The following LRP1B variants were observed in gnomAD, a reference collection of about 807,000 sequenced individuals.
LRP1B encodes low-density lipoprotein receptor-related protein 1B.
A neutral mutation model predicts 556.6 loss-of-function variants in LRP1B; 217 were observed. The observed-to-expected ratio is 0.39, with a 90% confidence interval of 0.35 to 0.44. The LOEUF (loss-of-function observed/expected upper bound fraction) is 0.44. Among genes scored for constraint, LRP1B ranks in the 20% least tolerant of loss-of-function variants. The pLI is 1.00. For synonymous variants in LRP1B, 2,047 were observed against 1,865.8 expected (o/e 1.10, Z -2.50); for missense variants, 5,053 against 5,620.8 (o/e 0.90, Z 3.23).
intron 1 of LRP1B, among the ~76,000 whole-genome samples, chr2:141,971,458 C>A (rs1310368706): frequency 6.6e-6 from 1 of 151,444 alleles, no homozygotes; most frequent in African/African-American, 2.4e-5. Flanking sequence ...TTAGCTTGTT[C>A]AATATCAGGG....
chr2:141,915,433 C>T (rs912046536), intron 1 of LRP1B, among the ~76,000 whole-genome samples: 1 of 151,972 alleles, frequency 6.6e-6, no homozygotes, highest in Admixed American at 6.6e-5. Flanking sequence ...TCACCATATA[C>T]AAAAATTAAC....
At chr2:141,165,037 A>G (rs2105122981) in intron 7 of LRP1B, among the ~76,000 whole-genome samples, 1 of 152,168 alleles carries the variant, frequency 6.6e-6, no homozygotes, top group South Asian at 2.1e-4. Context: ...ATAAAGCCTA[A>G]AAACAGTAAT....
intron 3 of LRP1B, among the ~76,000 whole-genome samples, chr2:141,256,286 A>G (rs1286787862): frequency 1.3e-5 from 2 of 151,956 alleles, no homozygotes; most frequent in Non-Finnish European, 2.9e-5. Flanking sequence ...AATATGAGAA[A>G]GTAAATAGAA....
At chr2:141,331,963 A>G (rs1687672958) in intron 3 of LRP1B, among the ~76,000 whole-genome samples, 1 of 152,092 alleles carries the variant, frequency 6.6e-6, no homozygotes, top group Admixed American at 6.5e-5. Context: ...TTTTATTTAT[A>G]TTTTAAAAAT....
At chr2:142,120,259 A>T (rs1707413648) in intron 1 of LRP1B, among the ~76,000 whole-genome samples, 1 of 152,038 alleles carries the variant, frequency 6.6e-6, no homozygotes, top group African/African-American at 2.4e-5. Flanking sequence ...CTACAGGCAC[A>T]TGCAACTATG....
At chr2:140,979,901 T>C (rs1480067816) in intron 18 of LRP1B, among the ~76,000 whole-genome samples, 1 of 152,102 alleles carries the variant, frequency 6.6e-6, no homozygotes, top group African/African-American at 2.4e-5. Flanking sequence ...ATGTTCTTCA[T>C]AGATTTGTTA....
intron 3 of LRP1B, among the ~76,000 whole-genome samples, chr2:141,456,997 T>C (rs1681659533): frequency 6.6e-6 from 1 of 152,210 alleles, no homozygotes; most frequent in African/African-American, 2.4e-5. Flanking sequence ...AAGATGGCTT[T>C]TCTGACTGAA....
chr2:141,851,946 G>A (rs1257487285), intron 1 of LRP1B, among the ~76,000 whole-genome samples: 1 of 151,640 alleles, frequency 6.6e-6, no homozygotes, highest in African/African-American at 2.4e-5. Context: ...AATCTACAAA[G>A]TTCAATTTTA....
Position 140,601,434 on chromosome 2 carries a change from C to T in LRP1B, c.6989+16G>A. 4 of 1,557,094 alleles carry T rather than the reference C, an allele frequency of 2.6e-6. No homozygotes were observed. Among genetic ancestry groups the T allele is most frequent in the Non-Finnish European group, 3.5e-6 (4 of 1,143,180 alleles). On this transcript the variant is annotated intron_variant, in intron 42 of 90. Transcript: ENST00000389484. ...TTATAACTATAATGAAGAAATAAAA[C>T]TACACTGTTTCTTACTTTTGACATT...
At chr2:140,329,579 C>G (rs1285067427) in intron 79 of LRP1B, among the ~76,000 whole-genome samples, 1 of 151,950 alleles carries the variant, frequency 6.6e-6, no homozygotes, top group Admixed American at 6.6e-5. Context: ...GCAAAAATCA[C>G]AAGCATTCCT....
Position 140,325,891 on chromosome 2 carries a change from C to CA in LRP1B, c.12224-14dup. ...TCCACAGCCAAACCTGCAAAATCAA[C>CA]ACACACAAGACAAATAGTGCAAGTA... On this transcript the variant is annotated splice_polypyrimidine_tract_variant and intron_variant, in intron 79 of 90. Transcript: ENST00000389484. The CA allele has an allele frequency of 2.8e-6, 4 of 1,432,676 alleles. No individual in the cohort carries two copies. Among genetic ancestry groups the CA allele is most frequent in the Non-Finnish European group, 3.9e-6 (4 of 1,028,756 alleles). 88.7% of individuals were successfully genotyped at this position (1,432,676 alleles called of 1,614,324 possible).
intron 35 of LRP1B, among the ~76,000 whole-genome samples, chr2:140,735,505 C>T (rs1687917035): frequency 6.6e-6 from 1 of 152,116 alleles, no homozygotes; most frequent in Admixed American, 6.6e-5. Context: ...TTCAAATGTT[C>T]AGCAAAGGCA....
intron 2 of LRP1B, among the ~76,000 whole-genome samples, chr2:141,503,781 T>C (rs4560051): frequency 0.21 from 32,643 of 151,864 alleles, 3,728 homozygotes; most frequent in South Asian, 0.35. Context: ...TTGTAAGGGG[T>C]GAGAGAGAGA....
rs1056764734 is a variant in LRP1B at position 141,772,349 on chromosome 2, T to C, written c.205+37930A>G. On this transcript the variant is annotated intron_variant, in intron 2 of 90. Coordinates refer to ENST00000389484, the MANE Select transcript of LRP1B (RefSeq NM_018557.3). ...GTTCCTATTTCTCCACCAAAACAAATATACTTTCACCAACTTGTGTCTCAG... is the reference window on the plus strand; with the variant it reads ...GTTCCTATTTCTCCACCAAAACAAACATACTTTCACCAACTTGTGTCTCAG... 5.9e-5 allele frequency among the ~76,000 whole-genome samples: 9 copies of C among 152,168 alleles called. No homozygotes were observed. In the South Asian group the frequency reaches 1.0e-3, roughly 17 times the overall value.
intron 3 of LRP1B, among the ~76,000 whole-genome samples, chr2:141,338,121 G>C (rs2714228): frequency 0.59 from 89,798 of 151,942 alleles, 27,426 homozygotes; most frequent in African/African-American, 0.68. Flanking sequence ...GACCTGTTCT[G>C]CATGTGTACT....
At chr2:141,370,203 A>G (rs970082696) in intron 3 of LRP1B, among the ~76,000 whole-genome samples, 2 of 152,034 alleles carry the variant, frequency 1.3e-5, no homozygotes, top group African/African-American at 4.8e-5. Context: ...TAGTAGTTCT[A>G]TTTCTTTGAG....
At position 140,531,801 on chromosome 2, in the gene LRP1B, C is replaced by T. The variant is rs577800982; in HGVS notation, c.7762+2220G>A. 1.2e-3 allele frequency among the ~76,000 whole-genome samples: 183 copies of T among 152,224 alleles called. 2 individuals are homozygous for T. Among genetic ancestry groups the T allele is most frequent in the African/African-American group, 3.9e-3 (161 of 41,550 alleles). ...AGTATCTACTATTGGCCAAATATGACGGATACCTCCAGTTCATGCCTGCCC... is the reference window on the plus strand; with the variant it reads ...AGTATCTACTATTGGCCAAATATGATGGATACCTCCAGTTCATGCCTGCCC... On this transcript the variant is annotated intron_variant, in intron 47 of 90. Coordinates refer to ENST00000389484, the MANE Select transcript of LRP1B (RefSeq NM_018557.3).
At chr2:140,835,025 T>C (rs1005471854) in intron 31 of LRP1B, among the ~76,000 whole-genome samples, 2 of 152,222 alleles carry the variant, frequency 1.3e-5, no homozygotes, top group African/African-American at 4.8e-5. Flanking sequence ...AGTATGTAAG[T>C]AACATTCTGC....
At chr2:141,931,628 A>G (rs1020580603) in intron 1 of LRP1B, among the ~76,000 whole-genome samples, 8 of 152,016 alleles carry the variant, frequency 5.3e-5, no homozygotes, top group Non-Finnish European at 1.2e-4. Flanking sequence ...CTTTATAAAG[A>G]AGAAATTGAG....
Sources: gnomAD v4.1 joint callset for allele counts (sites outside exome capture counted in the v4.1 genomes callset) on GRCh38, gnomAD v4.1.1 for gene constraint, MANE v1.5 for transcripts, NCBI Gene and HGNC (gene_info 2026-07-23, HGNC 2026-07-21) for gene names.